The following EXOG variants were observed in gnomAD, a reference collection of about 807,000 sequenced individuals.
EXOG encodes the protein nuclease EXOG, mitochondrial.
Under a neutral mutation model 25.8 loss-of-function variants are expected in EXOG, and 27 were observed. The ratio of observed to expected loss-of-function variants is 1.05; its 90% CI spans 0.77 to 1.45. The LOEUF (loss-of-function observed/expected upper bound fraction) is 1.45, where lower values mean the gene tolerates loss of function less well. Among genes scored for constraint, EXOG ranks in the 40% most tolerant of loss-of-function variants. EXOG has a pLI of 0.00. For missense variants in EXOG, 458 were observed against 450.5 expected, an observed-to-expected ratio of 1.02 and a Z score of -0.15; for synonymous variants, 133 against 167.0, an observed-to-expected ratio of 0.80 and a Z score of 1.57.
In EXOG at chr3:38,508,680, T is replaced by G. The variant is rs77995735; in HGVS notation, c.645+1712T>G. ...ATGATTACTTAAGTCTGTGATAAAA[T>G]TTAATAACCTGAGGAACAGATTGAG... On this transcript the variant is annotated intron_variant, in intron 5 of 5. Coordinates refer to ENST00000287675, the MANE Select transcript of EXOG (RefSeq NM_005107.4). 5.0e-3 allele frequency among the ~76,000 whole-genome samples: 759 copies of G among 151,332 alleles called. 10 individuals carry two copies. The highest frequency in any genetic ancestry group is 0.017 in the African/African-American group (718 of 41,040).
intron 2 of EXOG, among the ~76,000 whole-genome samples, chr3:38,498,491 G>A (rs775970735): frequency 2.6e-5 from 4 of 151,962 alleles, no homozygotes; most frequent in Non-Finnish European, 5.9e-5. Context: ...GGAGGTGGGG[G>A]TTGCAGTGAG....
intron 5 of EXOG, among the ~76,000 whole-genome samples, chr3:38,509,275 C>G (rs2060297082): frequency 6.6e-6 from 1 of 152,052 alleles, no homozygotes; most frequent in South Asian, 2.1e-4. Flanking sequence ...TATCACTAGC[C>G]TACTGTGTAG....
intron 5 of EXOG, among the ~76,000 whole-genome samples, chr3:38,512,605 A>G (rs2060405803): frequency 6.6e-6 from 1 of 152,190 alleles, no homozygotes; most frequent in African/African-American, 2.4e-5. Flanking sequence ...CATATACTTT[A>G]CATAATATAC....
intron 1 of EXOG, 119 bp from the exon 2 acceptor site, chr3:38,497,510 C>G: frequency 1.4e-6 from 2 of 1,397,096 alleles, no homozygotes; most frequent in Non-Finnish European, 1.8e-6. Context: ...CTGAGCCAGT[C>G]CTTTGTAAAT....
intron 4 of EXOG, among the ~76,000 whole-genome samples, chr3:38,504,610 A>AT (rs1405732128): frequency 5.3e-5 from 8 of 151,916 alleles, no homozygotes; most frequent in Non-Finnish European, 1.2e-4. Flanking sequence ...TAATTTTTGT[A>AT]TTTTTAGTAG....
chr3:38,519,568 T>C (rs571286248), intron 5 of EXOG, among the ~76,000 whole-genome samples: 1 of 152,366 alleles, frequency 6.6e-6, no homozygotes, highest in East Asian at 1.9e-4. Flanking sequence ...TTTAAGTCTC[T>C]TGCTTTATAT....
At position 38,510,830 on chromosome 3, in the gene EXOG, A is replaced by G. The variant is rs549885791; in HGVS notation, c.645+3862A>G. ...TCTCCTCACCCTAGTTAGTGTCATA[A>G]TGATCAGTCATGTGAGGTCAGTCAA... On this transcript the variant is annotated intron_variant, in intron 5 of 5. Coordinates refer to ENST00000287675, the MANE Select transcript of EXOG (RefSeq NM_005107.4). Among the ~76,000 whole-genome samples, 4 of 152,268 alleles carry G rather than the reference A, an allele frequency of 2.6e-5. No individual in the cohort carries two copies. The East Asian group carries it at 7.7e-4, about 29-fold the overall frequency.
chr3:38,501,977 C>T (rs1050796653), intron 3 of EXOG, among the ~76,000 whole-genome samples: 2 of 152,140 alleles, frequency 1.3e-5, no homozygotes, highest in African/African-American at 4.8e-5. Flanking sequence ...GGCTGGAGTA[C>T]AATGGCACGA....
chr3:38,502,646 A>G (rs2060082094), intron 3 of EXOG, among the ~76,000 whole-genome samples: 1 of 152,184 alleles, frequency 6.6e-6, no homozygotes, highest in South Asian at 2.1e-4. Context: ...ATACATTTTT[A>G]TATATTTGTG....
intron 5 of EXOG, among the ~76,000 whole-genome samples, chr3:38,509,327 C>T (rs1002104951): frequency 2.6e-5 from 4 of 151,944 alleles, no homozygotes; most frequent in Admixed American, 6.6e-5. Flanking sequence ...AAAAATTAAC[C>T]AATAATTACA....
At chr3:38,518,781 CTT>C (rs1192631079) in intron 5 of EXOG, among the ~76,000 whole-genome samples, 2 of 152,184 alleles carry the variant, frequency 1.3e-5, no homozygotes, top group African/African-American at 4.8e-5. Flanking sequence ...CTCATTCAAT[CTT>C]CACTACACCC....
chr3:38,505,147 A>G (rs1214403559), intron 4 of EXOG, among the ~76,000 whole-genome samples: 1 of 152,130 alleles, frequency 6.6e-6, no homozygotes, highest in African/African-American at 2.4e-5. Context: ...CAGTGTTCAA[A>G]TTTTCCTGGT....
chr3:38,500,368 C>T (rs1405266482), intron 2 of EXOG, among the ~76,000 whole-genome samples: 1 of 152,038 alleles, frequency 6.6e-6, no homozygotes, highest in Non-Finnish European at 1.5e-5. Flanking sequence ...ATTGCTTTTC[C>T]AGGGCAGTAA....
At chr3:38,515,199 T>C (rs1047846307) in intron 5 of EXOG, among the ~76,000 whole-genome samples, 2 of 152,210 alleles carry the variant, frequency 1.3e-5, no homozygotes, top group African/African-American at 4.8e-5. Context: ...ACTCTGAAGA[T>C]GCGCTCAGGA....
chr3:38,496,411 G>C lies in EXOG; in HGVS notation c.44G>C (p.Arg15Pro). 1.2e-6 allele frequency: 2 copies of C among 1,614,068 alleles called. No individual in the cohort carries two copies. Among genetic ancestry groups the C allele is most frequent in the Non-Finnish European group, 1.7e-6 (2 of 1,179,968 alleles). ...SIASRLRGSR[R>P]FLSGFVAGAV... is the part of the protein sequence containing the mutation. ...GCTTCCCGCCTCCGGGGTTCCCGTC[G>C]TTTTCTGAGCGGCTTCGTGGCTGGG... Residue 15 changes from arginine to proline, a missense_variant, in exon 1 of 6, where the codon CGT becomes CCT. Arg to Pro is a moderately radical substitution (Grantham distance 103, BLOSUM62 -2). Coordinates refer to ENST00000287675, the MANE Select transcript of EXOG (RefSeq NM_005107.4).
chr3:38,513,059 C>T (rs1245896435), intron 5 of EXOG, among the ~76,000 whole-genome samples: 1 of 152,202 alleles, frequency 6.6e-6, no homozygotes, highest in African/African-American at 2.4e-5. Flanking sequence ...ACCTCCACCC[C>T]TCAAAGGGCT....
chr3:38,526,042 A>G lies in EXOG; in HGVS notation c.*1680A>G, dbSNP rs2060861561. On this transcript the variant is annotated 3_prime_UTR_variant, in exon 6 of 6. Transcript: ENST00000287675. ...CTTGTCTACCTAGCATAGTAGGCCA[A>G]AGGTCCAAAGGCATTTAGCATTCCT... 1 of 985,434 alleles carries G rather than the reference A, an allele frequency of 1.0e-6. No homozygotes were observed. The highest frequency in any genetic ancestry group is 1.2e-6 in the Non-Finnish European group (1 of 829,924). The allele number at this position is 985,434 out of a possible 1,614,324, so 61.0% of individuals were successfully genotyped here. A position where few individuals can be genotyped will look rare whatever the true frequency, so the allele number is the denominator to read the frequency against.
chr3:38,506,315 T>G (rs2125766911), intron 4 of EXOG, among the ~76,000 whole-genome samples: 1 of 152,356 alleles, frequency 6.6e-6, no homozygotes, highest in East Asian at 1.9e-4. Flanking sequence ...ATAACCCTAT[T>G]AAAAGCTTAT....
chr3:38,501,534 A>G, intron 3 of EXOG, 40 bp downstream of exon 3: 1 of 1,586,098 alleles, frequency 6.3e-7, no homozygotes, highest in African/African-American at 1.3e-5. Context: ...TATGGGGCTG[A>G]TGTTATGCAT....
Sources: allele counts gnomAD v4.1 joint callset (sites outside exome capture counted in the v4.1 genomes callset), GRCh38; gene constraint gnomAD v4.1.1; transcripts MANE v1.5; gene names NCBI Gene and HGNC (gene_info 2026-07-23, HGNC 2026-07-21).